TOR1AIP1: variants seen among roughly 807,000 people sequenced by gnomAD.
TOR1AIP1 encodes torsin-1A-interacting protein 1.
Under a neutral mutation model 63.3 loss-of-function variants are expected in TOR1AIP1, and 54 were observed. The ratio of observed to expected loss-of-function variants is 0.85; its 90% CI spans 0.69 to 1.07. TOR1AIP1 has a LOEUF of 1.07. Among genes scored for constraint, TOR1AIP1 ranks in the 50% least tolerant of loss-of-function variants. The probability of loss-of-function intolerance (pLI) is 0.00; values close to 1 mark genes in which losing one functional copy is unlikely to be tolerated. For missense variants in TOR1AIP1, 736 were observed against 715.0 expected (o/e 1.03, Z -0.33); for synonymous variants, 294 against 273.5 (o/e 1.07, Z -0.74).
chr1:179,906,376 CAT>C (rs748038271), intron 6 of TOR1AIP1, among the ~76,000 whole-genome samples: 10 of 152,006 alleles, frequency 6.6e-5, no homozygotes, highest in Non-Finnish European at 1.3e-4. Context: ...ACAGCTAGCA[CAT>C]GTTTGTATTC....
rs1052826695 is a variant in TOR1AIP1 at position 179,882,483 on chromosome 1, C to T, written c.-20C>T. ...TCCATAAAGCCATCTTCGCGATCGA[C>T]TAAAGCTACGTCAACAACTATGGCG... On this transcript the variant is annotated 5_prime_UTR_variant, in exon 1 of 10. Transcript: ENST00000606911. 3.5e-6 allele frequency: 5 copies of T among 1,448,526 alleles called. No homozygotes were observed. The highest frequency in any genetic ancestry group is 1.9e-4 in the Middle Eastern group (1 of 5,236). The allele number at this position is 1,448,526 out of a possible 1,614,324, so 89.7% of individuals were successfully genotyped here. A position where few individuals can be genotyped will look rare whatever the true frequency, so the allele number is the denominator to read the frequency against.
intron 2 of TOR1AIP1, among the ~76,000 whole-genome samples, chr1:179,888,978 T>G (rs1647983361): frequency 6.6e-6 from 1 of 152,212 alleles, no homozygotes; most frequent in Admixed American, 6.5e-5. Flanking sequence ...AATAGATAAT[T>G]GAGTTGGTAC....
chr1:179,906,250 C>G (rs574871045), intron 6 of TOR1AIP1, among the ~76,000 whole-genome samples: 26 of 152,226 alleles, frequency 1.7e-4, no homozygotes, highest in African/African-American at 6.3e-4. Flanking sequence ...GAGAGAATAT[C>G]TGTCTTATTT....
At chr1:179,892,772 C>G (rs374242479) in intron 3 of TOR1AIP1, among the ~76,000 whole-genome samples, 6 of 150,818 alleles carry the variant, frequency 4.0e-5, no homozygotes, top group Non-Finnish European at 7.4e-5. Context: ...AAAAAGAGAA[C>G]TTGGAACTGA....
intron 3 of TOR1AIP1, among the ~76,000 whole-genome samples, chr1:179,899,673 C>T (rs1234135257): frequency 2.0e-5 from 3 of 152,196 alleles, no homozygotes; most frequent in Non-Finnish European, 4.4e-5. Context: ...GAGACAGAGT[C>T]TTGCTCTGTC....
At chr1:179,911,022 A>G (rs933108386) in intron 8 of TOR1AIP1, among the ~76,000 whole-genome samples, 1 of 152,178 alleles carries the variant, frequency 6.6e-6, no homozygotes, top group Non-Finnish European at 1.5e-5. Context: ...TTAAGTTACT[A>G]TGTTTATTAT....
intron 8 of TOR1AIP1, among the ~76,000 whole-genome samples, chr1:179,912,300 T>C (rs1353737079): frequency 1.3e-5 from 2 of 152,114 alleles, no homozygotes; most frequent in African/African-American, 2.4e-5. Context: ...GATTACAGGC[T>C]TGAGCCACTG....
chr1:179,905,234 G>C (rs1648590762), intron 6 of TOR1AIP1, among the ~76,000 whole-genome samples: 1 of 151,984 alleles, frequency 6.6e-6, no homozygotes, highest in Non-Finnish European at 1.5e-5. Context: ...AATTAGCTGG[G>C]CGTGGTGGCG....
At chr1:179,887,288 A>G (rs915413597) in intron 2 of TOR1AIP1, among the ~76,000 whole-genome samples, 3 of 152,012 alleles carry the variant, frequency 2.0e-5, no homozygotes, top group Admixed American at 2.0e-4. Flanking sequence ...AATCCCAGCT[A>G]CTCGGGAGGC....
In TOR1AIP1 at chr1:179,918,157, T is replaced by A; in HGVS notation, c.1670T>A (p.Leu557Gln). The A allele has an allele frequency of 4.3e-6, 7 of 1,613,356 alleles. No homozygotes were observed. The highest frequency in any genetic ancestry group is 5.9e-6 in the Non-Finnish European group (7 of 1,180,030). Residue 557 changes from leucine to glutamine, a missense_variant, in exon 10 of 10, where the codon CTG (leucine) becomes CAG (glutamine). Physicochemically the swap from Leu to Gln is moderately radical, Grantham distance 113. Coordinates refer to ENST00000606911, the MANE Select transcript of TOR1AIP1 (RefSeq NM_015602.4). The part of the protein sequence containing the change: ...NSYNHMDPDK[L>Q]NGLWSRISHL... The stretch of plus-strand genomic sequence containing the variant: ...TACAATCATATGGACCCAGACAAAC[T>A]GAATGGCCTCTGGAGCCGTATTTCT...
chr1:179,896,501 T>A (rs1326869097), intron 3 of TOR1AIP1, among the ~76,000 whole-genome samples: 2 of 151,684 alleles, frequency 1.3e-5, no homozygotes, highest in East Asian at 3.9e-4. Context: ...TCCTACCTCT[T>A]AGATGTACGT....
intron 1 of TOR1AIP1, among the ~76,000 whole-genome samples, chr1:179,884,183 T>C (rs1458214139): frequency 6.6e-6 from 1 of 152,232 alleles, no homozygotes; most frequent in South Asian, 2.1e-4. Flanking sequence ...GAGCCTATAA[T>C]ATATTTGATA....
intron 9 of TOR1AIP1, among the ~76,000 whole-genome samples, chr1:179,914,863 T>A (rs972377104): frequency 2.0e-5 from 3 of 152,052 alleles, no homozygotes; most frequent in Admixed American, 6.6e-5. Flanking sequence ...CGCTTTACAC[T>A]AGTAAAGTTA....
At chr1:179,896,875 G>A (rs1287351847) in intron 3 of TOR1AIP1, among the ~76,000 whole-genome samples, 2 of 152,014 alleles carry the variant, frequency 1.3e-5, no homozygotes, top group African/African-American at 4.8e-5. Context: ...GCAGGCTTGG[G>A]TTTCTTGAGC....
At chr1:179,884,349 C>T (rs936180827) in intron 1 of TOR1AIP1, among the ~76,000 whole-genome samples, 2 of 152,106 alleles carry the variant, frequency 1.3e-5, no homozygotes, top group African/African-American at 4.8e-5. Context: ...GAATTTACCC[C>T]TATTTTATTA....
chr1:179,882,333 T>A lies in TOR1AIP1; in HGVS notation c.-170T>A. The A allele has an allele frequency of 1.8e-6, 1 of 571,240 alleles. No individual in the cohort carries two copies. Among genetic ancestry groups the A allele is most frequent in the Non-Finnish European group, 2.8e-6 (1 of 362,684 alleles). 35.4% of individuals were successfully genotyped at this position (571,240 alleles called of 1,614,324 possible). A position where few individuals can be genotyped will look rare whatever the true frequency, so the allele number is the denominator to read the frequency against. On this transcript the variant is annotated 5_prime_UTR_variant, in exon 1 of 10. Coordinates refer to ENST00000606911, the MANE Select transcript of TOR1AIP1 (RefSeq NM_015602.4). The stretch of plus-strand genomic sequence containing the variant: ...GACACACCATGGGCCCAGAGGCAGG[T>A]TTGCTACACAGCAGCGACGACGCAG...
chr1:179,886,954 T>G (rs1029350298), intron 2 of TOR1AIP1, among the ~76,000 whole-genome samples: 5 of 152,244 alleles, frequency 3.3e-5, no homozygotes, highest in Admixed American at 3.3e-4. Context: ...GATGGAGGAC[T>G]GCTTTAAGTA....
chr1:179,898,359 T>C (rs1278022953), intron 3 of TOR1AIP1, among the ~76,000 whole-genome samples: 1 of 152,148 alleles, frequency 6.6e-6, no homozygotes, highest in Non-Finnish European at 1.5e-5. Context: ...CATGCAAATA[T>C]TAAGGACTTA....
At chr1:179,889,261 T>C in intron 2 of TOR1AIP1, 52 bp from the exon 3 acceptor site, 1 of 1,398,184 alleles carries the variant, frequency 7.2e-7, no homozygotes, top group South Asian at 1.2e-5. Context: ...ATAAAGCTAG[T>C]ATGTTTCACA....
Sources: allele counts gnomAD v4.1 joint callset (sites outside exome capture counted in the v4.1 genomes callset), GRCh38; gene constraint gnomAD v4.1.1; transcripts MANE v1.5; gene names NCBI Gene and HGNC (gene_info 2026-07-23, HGNC 2026-07-21).